Variants in CSNK1G3 observed in about 807,000 individuals in gnomAD.
The protein encoded by CSNK1G3 is casein kinase I isoform gamma-3.
A neutral mutation model predicts 64.3 loss-of-function variants in CSNK1G3; 23 were observed. That is an observed-to-expected ratio of 0.36 (90% CI 0.26 to 0.51). CSNK1G3 has a LOEUF of 0.51. Among genes scored for constraint, CSNK1G3 ranks in the 20% least tolerant of loss-of-function variants. The pLI, the probability that CSNK1G3 is intolerant of heterozygous loss-of-function variation, is 0.96. For synonymous variants in CSNK1G3, 158 were observed against 162.2 expected (o/e 0.97, Z 0.20); for missense variants, 357 against 510.5 (o/e 0.70, Z 2.90).
chr5:123,592,775 G>A (rs1192188875), intron 10 of CSNK1G3, among the ~76,000 whole-genome samples: 2 of 151,352 alleles, frequency 1.3e-5, no homozygotes, highest in African/African-American at 2.4e-5. Context: ...AGTTTTAAAA[G>A]ATTAATATTA....
At chr5:123,588,915 AG>A (rs1791825532) in intron 8 of CSNK1G3, among the ~76,000 whole-genome samples, 1 of 152,196 alleles carries the variant, frequency 6.6e-6, no homozygotes, top group African/African-American at 2.4e-5. Flanking sequence ...ACTTAAATTA[AG>A]TAAGGCCAGT....
At chr5:123,513,207 C>T (rs377258233) in intron 1 of CSNK1G3, among the ~76,000 whole-genome samples, 1 of 152,190 alleles carries the variant, frequency 6.6e-6, no homozygotes, top group Non-Finnish European at 1.5e-5. Flanking sequence ...TGGTTACTCT[C>T]ATGGTGCCGG....
intron 6 of CSNK1G3, among the ~76,000 whole-genome samples, chr5:123,579,378 A>G (rs1200330121): frequency 7.3e-5 from 11 of 151,562 alleles, no homozygotes; most frequent in Admixed American, 7.3e-4. Context: ...TTCAGGGAGT[A>G]GCTTTCAATA....
At chr5:123,522,328 C>T (rs375038458) in intron 1 of CSNK1G3, among the ~76,000 whole-genome samples, 95 of 152,044 alleles carry the variant, frequency 6.2e-4, no homozygotes, top group African/African-American at 1.9e-3. Context: ...CGGTGAAATC[C>T]TGTCTCTACT....
At chr5:123,576,989 T>A (rs902726117) in intron 6 of CSNK1G3, among the ~76,000 whole-genome samples, 1 of 152,128 alleles carries the variant, frequency 6.6e-6, no homozygotes, top group Non-Finnish European at 1.5e-5. Flanking sequence ...TATGTCTATA[T>A]GAACTTATTA....
intron 12 of CSNK1G3, among the ~76,000 whole-genome samples, chr5:123,610,494 A>G (rs536132701): frequency 4.6e-5 from 7 of 152,098 alleles, no homozygotes; most frequent in Non-Finnish European, 8.8e-5. Context: ...TTCTGGGTGG[A>G]TTTGAGAGAA....
chr5:123,519,402 C>T (rs1280792901), intron 1 of CSNK1G3, among the ~76,000 whole-genome samples: 1 of 152,132 alleles, frequency 6.6e-6, no homozygotes, highest in Non-Finnish European at 1.5e-5. Context: ...TTTTCATTGG[C>T]TAACTTTGAA....
exon 2 of CSNK1G3, chr5:123,545,739 A>G (rs1240970499): frequency 6.2e-7 from 1 of 1,613,614 alleles, no homozygotes; most frequent in East Asian, 2.2e-5. Context: ...GGGACACAAC[A>G]CTCGAGGAAC....
At chr5:123,588,181 A>G in intron 7 of CSNK1G3, 28 bp downstream of exon 7, 9 of 1,434,136 alleles carry the variant, frequency 6.3e-6, no homozygotes, top group Non-Finnish European at 5.9e-6. Flanking sequence ...TCTTTATTGA[A>G]TTTCATAAAA....
intron 10 of CSNK1G3, among the ~76,000 whole-genome samples, chr5:123,594,281 G>T (rs368391385): frequency 1.2e-4 from 18 of 152,202 alleles, no homozygotes; most frequent in East Asian, 1.2e-3. Flanking sequence ...AATTTTACTG[G>T]TAGATTATGA....
chr5:123,588,222 T>C lies in CSNK1G3; in HGVS notation c.759+69T>C, dbSNP rs545669054. The C allele has an allele frequency of 7.3e-6, 9 of 1,229,886 alleles. No individual in the cohort carries two copies. In the South Asian group the frequency reaches 1.0e-4, roughly 14 times the overall value. The allele number at this position is 1,229,886 out of a possible 1,614,324, so 76.2% of individuals were successfully genotyped here. On this transcript the variant is annotated intron_variant, in intron 7 of 12. Coordinates refer to ENST00000345990, the Ensembl canonical transcript of CSNK1G3. ...AGATATTAAGGTCCTGTCTTCCAAC[T>C]AAACAGTTTTCATATTTTAAAATTT... is the stretch of plus-strand genomic sequence containing the variant.
chr5:123,550,083 A>G (rs991989804), intron 2 of CSNK1G3, among the ~76,000 whole-genome samples: 1 of 152,130 alleles, frequency 6.6e-6, no homozygotes, highest in African/African-American at 2.4e-5. Flanking sequence ...ATGTTTATTG[A>G]TTTTTCTGCT....
intron 12 of CSNK1G3, among the ~76,000 whole-genome samples, chr5:123,608,410 T>C (rs989464968): frequency 2.2e-4 from 34 of 152,182 alleles, no homozygotes; most frequent in Non-Finnish European, 4.4e-4. Flanking sequence ...GTTTTGTCTT[T>C]CTTGTTTACT....
chr5:123,539,525 G>T (rs1347788219), intron 1 of CSNK1G3, among the ~76,000 whole-genome samples: 1 of 151,348 alleles, frequency 6.6e-6, no homozygotes, highest in African/African-American at 2.4e-5. Flanking sequence ...TAAGTCAGTG[G>T]TACATTTCTA....
intron 10 of CSNK1G3, among the ~76,000 whole-genome samples, chr5:123,595,410 A>G (rs565785933): frequency 6.6e-6 from 1 of 152,308 alleles, no homozygotes; most frequent in African/African-American, 2.4e-5. Context: ...AAACGGTATT[A>G]TGCTTGAAAT....
At chr5:123,605,513 G>A in intron 12 of CSNK1G3, 151 bp downstream of exon 13, 1 of 824,654 alleles carries the variant, frequency 1.2e-6, no homozygotes, top group Non-Finnish European at 1.8e-6. Context: ...CATTAAGATA[G>A]CTCTGAAAAG....
At chr5:123,555,920 A>G (rs974158098) in intron 3 of CSNK1G3, among the ~76,000 whole-genome samples, 2 of 152,274 alleles carry the variant, frequency 1.3e-5, no homozygotes, top group South Asian at 2.1e-4. Flanking sequence ...AATTATAGGT[A>G]ATATAGTGCT....
chr5:123,591,242 T>G (rs1581329915), intron 9 of CSNK1G3, 77 bp from the exon 10 acceptor site: 1 of 827,482 alleles, frequency 1.2e-6, no homozygotes, highest in East Asian at 3.1e-5. Context: ...TTTCCTTAAT[T>G]CTTTTAAGCA....
intron 6 of CSNK1G3, among the ~76,000 whole-genome samples, chr5:123,580,040 G>A (rs958504921): frequency 6.6e-6 from 1 of 151,996 alleles, no homozygotes; most frequent in African/African-American, 2.4e-5. Context: ...GGTGTTTTAA[G>A]TTTAGAGTAC....
Sources: allele counts gnomAD v4.1 joint callset (sites outside exome capture counted in the v4.1 genomes callset), GRCh38; gene constraint gnomAD v4.1.1; transcripts MANE v1.5; gene names NCBI Gene and HGNC (gene_info 2026-07-23, HGNC 2026-07-21).